Variants in WIF1 observed in about 807,000 individuals in gnomAD.
The protein encoded by WIF1 is Wnt inhibitory factor 1.
In WIF1, 35 loss-of-function variants were observed where a neutral mutation model predicts 53.5. That is an observed-to-expected ratio of 0.65 (90% CI 0.50 to 0.87). The LOEUF (loss-of-function observed/expected upper bound fraction) is 0.87. WIF1 is among the 40% of genes least tolerant of loss of function. The pLI is 0.00. For synonymous variants in WIF1, 171 were observed against 170.4 expected (o/e 1.00, Z -0.03); for missense variants, 467 against 476.8 (o/e 0.98, Z 0.19).
At chr12:65,096,262 A>G (rs1303622012) in intron 2 of WIF1, among the ~76,000 whole-genome samples, 2 of 152,252 alleles carry the variant, frequency 1.3e-5, no homozygotes, top group African/African-American at 4.8e-5. Context: ...ATATATAAAA[A>G]TAAGCTCATT....
chr12:65,089,901 G>A (rs1451808461), intron 2 of WIF1, among the ~76,000 whole-genome samples: 1 of 151,744 alleles, frequency 6.6e-6, no homozygotes, highest in Non-Finnish European at 1.5e-5. Context: ...TCATTGGAAG[G>A]GATTTTTTCT....
intron 9 of WIF1, among the ~76,000 whole-genome samples, chr12:65,052,466 G>T (rs1882455164): frequency 1.3e-5 from 2 of 152,042 alleles, no homozygotes; most frequent in South Asian, 4.2e-4. Flanking sequence ...GCCTATGCGG[G>T]GACTTCTGTC....
At chr12:65,070,678 G>C (rs986293025) in intron 3 of WIF1, among the ~76,000 whole-genome samples, 1 of 152,034 alleles carries the variant, frequency 6.6e-6, no homozygotes, top group Non-Finnish European at 1.5e-5. Context: ...TTATTTTCCA[G>C]GTGTATCTTT....
intron 2 of WIF1, among the ~76,000 whole-genome samples, chr12:65,088,914 A>G (rs188825442): frequency 1.8e-4 from 27 of 152,264 alleles, no homozygotes; most frequent in Admixed American, 1.5e-3. Flanking sequence ...TCACATTGTC[A>G]AAAGAATCTA....
chr12:65,069,822 G>A (rs1190990902), intron 3 of WIF1, among the ~76,000 whole-genome samples: 1 of 152,188 alleles, frequency 6.6e-6, no homozygotes, highest in Non-Finnish European at 1.5e-5. Context: ...CATTTGCTGA[G>A]AAGCTGATTA....
At chr12:65,090,180 G>A (rs1883101905) in intron 2 of WIF1, among the ~76,000 whole-genome samples, 1 of 152,162 alleles carries the variant, frequency 6.6e-6, no homozygotes, top group Non-Finnish European at 1.5e-5. Context: ...AGACTAAGCT[G>A]GTCCAGAGCT....
chr12:65,074,835 A>AAG (rs1328619456), intron 3 of WIF1, among the ~76,000 whole-genome samples: 2 of 140,950 alleles, frequency 1.4e-5, no homozygotes, highest in African/African-American at 2.6e-5. Flanking sequence ...AAAAAAAAAA[A>AAG]AAAGAAAAGA....
intron 2 of WIF1, among the ~76,000 whole-genome samples, chr12:65,093,885 G>A (rs959386303): frequency 3.9e-5 from 6 of 152,070 alleles, no homozygotes; most frequent in African/African-American, 1.4e-4. Context: ...TGAAGTTCAG[G>A]ATAAAGCTCT....
chr12:65,056,695 G>A (rs1328703671), intron 7 of WIF1, among the ~76,000 whole-genome samples: 1 of 151,930 alleles, frequency 6.6e-6, no homozygotes, highest in Non-Finnish European at 1.5e-5. Flanking sequence ...TTTTGCCCAG[G>A]CTGGAGTGCA....
Position 65,056,018 on chromosome 12 carries a change from A to G in WIF1, c.922+13T>C, listed in dbSNP as rs1882519990. 1 of 1,612,304 alleles carries G rather than the reference A, an allele frequency of 6.2e-7. No homozygotes were observed. The highest frequency in any genetic ancestry group is 8.5e-7 in the Non-Finnish European group (1 of 1,179,008). On this transcript the variant is annotated intron_variant, in intron 8 of 9. Transcript: ENST00000286574. ...CTAGTAGCCCAGATTGGCAATGTGT[A>G]TGGGGTACTTACGCTTTGAACAGAG...
At chr12:65,075,863 T>A (rs1159915934) in intron 3 of WIF1, among the ~76,000 whole-genome samples, 1 of 152,138 alleles carries the variant, frequency 6.6e-6, no homozygotes, top group Non-Finnish European at 1.5e-5. Flanking sequence ...ATATACCTAA[T>A]ATACAACAAG....
At position 65,068,649 on chromosome 12, in the gene WIF1, A is replaced by ATGTGTGTGTGTG. The variant is rs10590995; in HGVS notation, c.538+103_538+114dup. The ATGTGTGTGTGTG allele has an allele frequency of 4.7e-4, 471 of 1,005,264 alleles. No homozygotes were observed. The African/African-American group carries it at 4.8e-3, about 10-fold the overall frequency. The allele number at this position is 1,005,264 out of a possible 1,614,324, so 62.3% of individuals were successfully genotyped here. A position where few individuals can be genotyped will look rare whatever the true frequency, so the allele number is the denominator to read the frequency against. On this transcript the variant is annotated intron_variant, in intron 4 of 9. Coordinates refer to ENST00000286574, the MANE Select transcript of WIF1 (RefSeq NM_007191.5). ...TTATAGAGCCATCATCCAAAAAACC[A>ATGTGTGTGTGTG]TGTGTGTGTGTGTGTGTGTGTGTGT...
chr12:65,051,468 A>G lies in WIF1; in HGVS notation c.1021T>C (p.Tyr341His). ...GWHGRHCNKR[Y>H]EASLIHALRP... is the part of the protein sequence containing the mutation. ...AGGGCATGTATGAGGCTGGCTTCGT[A>G]CCCTGCAAAATTATTCACAGCTTAA... Residue 341 changes from tyrosine (Y) to histidine (H), a missense_variant and splice_region_variant, in exon 10 of 10, where the codon TAC (tyrosine) becomes CAC (histidine). By Grantham distance (83) the Tyr-to-His change is moderately conservative. Coordinates refer to ENST00000286574, the MANE Select transcript of WIF1 (RefSeq NM_007191.5). The G allele has an allele frequency of 1.3e-6, 2 of 1,592,158 alleles. No homozygotes were observed. The highest frequency in any genetic ancestry group is 1.7e-6 in the Non-Finnish European group (2 of 1,170,248).
chr12:65,084,472 C>A (rs1015107335), intron 2 of WIF1, among the ~76,000 whole-genome samples: 3 of 152,200 alleles, frequency 2.0e-5, no homozygotes, highest in Non-Finnish European at 2.9e-5. Flanking sequence ...TGCCTATATT[C>A]CAGTGATTTA....
intron 2 of WIF1, among the ~76,000 whole-genome samples, chr12:65,117,803 G>T (rs540503084): frequency 1.2e-3 from 180 of 152,236 alleles, no homozygotes; most frequent in Middle Eastern, 0.01. Context: ...TCACAATAGG[G>T]TTCACACTCC....
chr12:65,113,345 T>C (rs1340052018), intron 2 of WIF1, among the ~76,000 whole-genome samples: 1 of 152,192 alleles, frequency 6.6e-6, no homozygotes, highest in African/African-American at 2.4e-5. Context: ...TTAAATCAGT[T>C]TGATCCAAAA....
intron 2 of WIF1, among the ~76,000 whole-genome samples, chr12:65,087,601 G>GT (rs1347833199): frequency 6.6e-6 from 1 of 151,642 alleles, no homozygotes; most frequent in Non-Finnish European, 1.5e-5. Context: ...CACATGGACA[G>GT]TATCAACTTA....
intron 2 of WIF1, among the ~76,000 whole-genome samples, chr12:65,104,276 C>T (rs1417533794): frequency 1.3e-5 from 2 of 152,160 alleles, no homozygotes; most frequent in Non-Finnish European, 2.9e-5. Flanking sequence ...TTTACCAAAG[C>T]CACTCTATTT....
chr12:65,097,290 T>C (rs1035711516), intron 2 of WIF1, among the ~76,000 whole-genome samples: 4 of 152,094 alleles, frequency 2.6e-5, no homozygotes, highest in Non-Finnish European at 1.5e-5. Context: ...AGCCGTGCCA[T>C]ATTAAATTGA....
Sources: gnomAD v4.1 joint callset for allele counts (sites outside exome capture counted in the v4.1 genomes callset) on GRCh38, gnomAD v4.1.1 for gene constraint, MANE v1.5 for transcripts, NCBI Gene and HGNC (gene_info 2026-07-23, HGNC 2026-07-21) for gene names.